Variants in SHTN1 observed in about 807,000 individuals in gnomAD.
The protein encoded by SHTN1 is shootin 1, also known as shootin-1.
SHTN1 carries 42 observed loss-of-function variants against 83.1 expected under a neutral mutation model. That is an observed-to-expected ratio of 0.51 (90% CI 0.39 to 0.65). The LOEUF (loss-of-function observed/expected upper bound fraction) is 0.65. SHTN1 is among the 30% of genes least tolerant of loss of function. SHTN1 has a pLI of 0.00. For missense variants in SHTN1, 622 were observed against 737.8 expected (o/e 0.84, Z 1.82); for synonymous variants, 224 against 247.7 (o/e 0.90, Z 0.90).
At chr10:117,090,448 G>A (rs1180682641) in intron 1 of SHTN1, among the ~76,000 whole-genome samples, 1 of 152,170 alleles carries the variant, frequency 6.6e-6, no homozygotes, top group African/African-American at 2.4e-5. Context: ...CAGAGCTTCA[G>A]TTTTGCAGGA....
intron 1 of SHTN1, among the ~76,000 whole-genome samples, chr10:116,990,583 C>T (rs1589875614): frequency 2.6e-5 from 4 of 152,188 alleles, no homozygotes; most frequent in Admixed American, 1.3e-4. Flanking sequence ...CTTAGGCTGT[C>T]GTTGGAAGAA....
chr10:117,014,782 T>C (rs925234710), intron 2 of SHTN1, among the ~76,000 whole-genome samples: 2 of 152,128 alleles, frequency 1.3e-5, no homozygotes, highest in Non-Finnish European at 2.9e-5. Flanking sequence ...AGTGAAAGAT[T>C]AGAACAAAAA....
chr10:117,035,921 T>C (rs1589905403), intron 2 of SHTN1, among the ~76,000 whole-genome samples: 1 of 97,482 alleles, frequency 1.0e-5, no homozygotes, highest in Non-Finnish European at 1.9e-5. Flanking sequence ...CACTCCAGCC[T>C]GGGGAACAAG....
chr10:117,094,758 G>T (rs897802892), intron 1 of SHTN1, among the ~76,000 whole-genome samples: 1 of 152,070 alleles, frequency 6.6e-6, no homozygotes, highest in Non-Finnish European at 1.5e-5. Context: ...TTATTCAGAA[G>T]GTAATAAAGA....
chr10:116,894,105 A>G (rs558047705), intron 16 of SHTN1, among the ~76,000 whole-genome samples: 1 of 152,262 alleles, frequency 6.6e-6, no homozygotes, highest in African/African-American at 2.4e-5. Context: ...TTTCATGGAA[A>G]TGTTTGACTG....
At chr10:116,986,042 ACAGTT>A (rs1244293761) in intron 1 of SHTN1, among the ~76,000 whole-genome samples, 3 of 152,336 alleles carry the variant, frequency 2.0e-5, no homozygotes, top group African/African-American at 4.8e-5. Context: ...GGTAAAACAC[ACAGTT>A]CAGTTAATAA....
chr10:116,988,276 A>T (rs1851295037), intron 1 of SHTN1, among the ~76,000 whole-genome samples: 1 of 151,186 alleles, frequency 6.6e-6, no homozygotes, highest in Admixed American at 6.6e-5. Context: ...CTAAACTTCT[A>T]AAAAAAAGTC....
chr10:116,985,733 C>A (rs1256904172), intron 1 of SHTN1, among the ~76,000 whole-genome samples: 2 of 152,160 alleles, frequency 1.3e-5, no homozygotes, highest in African/African-American at 4.8e-5. Context: ...GACTTTCATC[C>A]ATTCAGTCTG....
chr10:116,886,341 G>A lies in SHTN1; in HGVS notation c.*3C>T, dbSNP rs529448536. 2 of 1,552,702 alleles carry A rather than the reference G, an allele frequency of 1.3e-6. No individual in the cohort carries two copies. Among genetic ancestry groups the A allele is most frequent in the Admixed American group, 3.9e-5 (2 of 51,036 alleles). On this transcript the variant is annotated 3_prime_UTR_variant, in exon 17 of 17. Coordinates refer to ENST00000355371, the MANE Select transcript of SHTN1 (RefSeq NM_001127211.3). ...CAAACATGTCAGGCTTCTGGTTTAT[G>A]GATCAGCAGTTGGAGCTGTCTGTCT...
chr10:116,907,047 C>T (rs182719108), intron 14 of SHTN1, among the ~76,000 whole-genome samples: 144 of 152,160 alleles, frequency 9.5e-4, no homozygotes, highest in African/African-American at 3.3e-3. Flanking sequence ...ACCTGCATAG[C>T]GACGATTAAG....
At chr10:117,099,926 C>T (rs1180936415) in intron 1 of SHTN1, among the ~76,000 whole-genome samples, 1 of 151,742 alleles carries the variant, frequency 6.6e-6, no homozygotes, top group Non-Finnish European at 1.5e-5. Context: ...ACCTGTAATC[C>T]CAGCATTTTG....
intron 2 of SHTN1, among the ~76,000 whole-genome samples, chr10:117,024,424 G>A (rs1476256461): frequency 1.4e-5 from 2 of 140,440 alleles, no homozygotes; most frequent in Non-Finnish European, 3.0e-5. Flanking sequence ...GCGCAGTCTC[G>A]GCTCACTGCA....
At chr10:117,100,072 G>A (rs1177674424) in intron 1 of SHTN1, among the ~76,000 whole-genome samples, 3 of 152,264 alleles carry the variant, frequency 2.0e-5, no homozygotes, top group South Asian at 2.1e-4. Flanking sequence ...AGCTACTAGG[G>A]AGGCTGAGGC....
intron 2 of SHTN1, among the ~76,000 whole-genome samples, chr10:117,030,241 T>C (rs1852393562): frequency 6.6e-6 from 1 of 152,184 alleles, no homozygotes. Context: ...GAGAATGACG[T>C]AATACAACCA....
At chr10:117,003,901 AT>A (rs938239061) in intron 1 of SHTN1, among the ~76,000 whole-genome samples, 6 of 150,704 alleles carry the variant, frequency 4.0e-5, no homozygotes, top group Admixed American at 6.6e-5. Flanking sequence ...TATTATTATT[AT>A]TTTTTTTTGG....
intron 5 of SHTN1, among the ~76,000 whole-genome samples, chr10:116,953,784 C>T (rs886069420): frequency 2.0e-5 from 3 of 152,092 alleles, no homozygotes; most frequent in South Asian, 2.1e-4. Context: ...CCTGCCACCA[C>T]GCCCAGCTAA....
In SHTN1 at chr10:116,971,528, T is replaced by C. The variant is rs560118311; in HGVS notation, c.112-2816A>G. Among the ~76,000 whole-genome samples, 5 of 152,226 alleles carry C rather than the reference T, an allele frequency of 3.3e-5. No individual in the cohort carries two copies. In the East Asian group the frequency reaches 9.7e-4, roughly 29 times the overall value. On this transcript the variant is annotated intron_variant, in intron 2 of 16. Transcript: ENST00000355371. ...TTCTGGCTAGCGGTTTCAGGAATGT[T>C]CCTCTCATTTTCTAGAATGGGCTTC...
chr10:116,933,327 C>A (rs964254689), intron 9 of SHTN1, among the ~76,000 whole-genome samples: 1 of 151,924 alleles, frequency 6.6e-6, no homozygotes, highest in Admixed American at 6.6e-5. Flanking sequence ...TTGCCCCCAC[C>A]CCCCGACAGG....
At chr10:117,115,196 T>G (rs1853828959) in intron 1 of SHTN1, among the ~76,000 whole-genome samples, 1 of 152,240 alleles carries the variant, frequency 6.6e-6, no homozygotes, top group African/African-American at 2.4e-5. Flanking sequence ...CTATCCAGTA[T>G]GGGCTCTGAA....
Sources: gnomAD v4.1 joint callset for allele counts (sites outside exome capture counted in the v4.1 genomes callset) on GRCh38, gnomAD v4.1.1 for gene constraint, MANE v1.5 for transcripts, NCBI Gene and HGNC (gene_info 2026-07-23, HGNC 2026-07-21) for gene names.